LRBA: variants seen among roughly 807,000 people sequenced by gnomAD.
LRBA encodes lipopolysaccharide-responsive and beige-like anchor protein.
LRBA carries 176 observed loss-of-function variants against 330.0 expected under a neutral mutation model. That is an observed-to-expected ratio of 0.53 (90% CI 0.47 to 0.60). LRBA has a LOEUF of 0.60. Ranked by LOEUF, LRBA falls within the 20% of genes least tolerant of loss-of-function variation. The pLI is 0.00. For missense variants in LRBA, 3,259 were observed against 3,444.8 expected, an observed-to-expected ratio of 0.95 and a Z score of 1.35; for synonymous variants, 1,230 against 1,193.0, an observed-to-expected ratio of 1.03 and a Z score of -0.64.
chr4:150,851,502 A>G (rs1302438389), intron 23 of LRBA, among the ~76,000 whole-genome samples: 2 of 152,246 alleles, frequency 1.3e-5, no homozygotes, highest in Non-Finnish European at 2.9e-5. Flanking sequence ...CATGCTTAGT[A>G]ACTAAAATTA....
chr4:150,715,871 G>C (rs1027847261), intron 36 of LRBA, among the ~76,000 whole-genome samples: 2 of 152,134 alleles, frequency 1.3e-5, no homozygotes, highest in Non-Finnish European at 2.9e-5. Flanking sequence ...AGTGATATTT[G>C]AACATGATAA....
chr4:150,284,706 T>G (rs1315128440), intron 54 of LRBA, among the ~76,000 whole-genome samples: 3 of 152,138 alleles, frequency 2.0e-5, no homozygotes, highest in Non-Finnish European at 4.4e-5. Flanking sequence ...TTAATTTTTT[T>G]GTAGAGATGG....
rs145755835 is a variant in LRBA at position 150,352,245 on chromosome 4, C to T, written c.7195-2086G>A. On this transcript the variant is annotated intron_variant, in intron 47 of 56. Transcript: ENST00000651943. ...TAGCAAGTAACCAATGAGACATAAA[C>T]CATCTTGTGACAAAAGACGTTCCTA... 6.8e-3 allele frequency among the ~76,000 whole-genome samples: 1,032 copies of T among 152,250 alleles called. 8 individuals carry two copies. Among genetic ancestry groups the T allele is most frequent in the South Asian group, 0.014 (66 of 4,828 alleles).
At chr4:150,568,233 G>C (rs1364788500) in intron 40 of LRBA, among the ~76,000 whole-genome samples, 4 of 152,086 alleles carry the variant, frequency 2.6e-5, no homozygotes, top group Non-Finnish European at 5.9e-5. Flanking sequence ...AATGATAGAT[G>C]TAAGAAAGCT....
At chr4:150,638,906 A>G (rs1778205589) in intron 37 of LRBA, among the ~76,000 whole-genome samples, 1 of 102,184 alleles carries the variant, frequency 9.8e-6, no homozygotes, top group Non-Finnish European at 2.0e-5. Flanking sequence ...ATGCACACGT[A>G]TGTTTATTGC....
chr4:150,530,102 G>T (rs1364840412), intron 40 of LRBA, among the ~76,000 whole-genome samples: 1 of 152,104 alleles, frequency 6.6e-6, no homozygotes. Context: ...GGCATAAGAA[G>T]AAATACATAT....
intron 36 of LRBA, among the ~76,000 whole-genome samples, chr4:150,704,051 A>G (rs1785376577): frequency 6.6e-6 from 1 of 151,948 alleles, no homozygotes; most frequent in Non-Finnish European, 1.5e-5. Context: ...TACAAAAAAA[A>G]ATTTTTTTAA....
intron 2 of LRBA, among the ~76,000 whole-genome samples, chr4:150,978,761 C>A (rs1394275671): frequency 6.6e-6 from 1 of 152,134 alleles, no homozygotes; most frequent in Non-Finnish European, 1.5e-5. Context: ...GCATCAGAGT[C>A]TCTTAACAGA....
At chr4:150,475,038 T>C (rs906194297) in intron 42 of LRBA, among the ~76,000 whole-genome samples, 3 of 152,208 alleles carry the variant, frequency 2.0e-5, no homozygotes, top group Non-Finnish European at 4.4e-5. Flanking sequence ...TCTGAAATGA[T>C]AGTAAGCTTT....
At chr4:150,641,402 T>C (rs921237172) in intron 37 of LRBA, among the ~76,000 whole-genome samples, 1 of 152,154 alleles carries the variant, frequency 6.6e-6, no homozygotes, top group Admixed American at 6.6e-5. Context: ...TCTAAATACA[T>C]AATGGCATCA....
At chr4:150,278,029 A>G in intron 55 of LRBA, 25 bp from the exon 56 acceptor site, 1 of 1,606,890 alleles carries the variant, frequency 6.2e-7, no homozygotes, top group South Asian at 1.1e-5. Flanking sequence ...AACATTCAGT[A>G]GAAATGTGGT....
chr4:150,717,186 A>G (rs770812299), intron 36 of LRBA, among the ~76,000 whole-genome samples: 5 of 152,206 alleles, frequency 3.3e-5, no homozygotes, highest in Non-Finnish European at 7.4e-5. Flanking sequence ...GCTGAAGATA[A>G]TAACATTTAC....
At chr4:150,621,105 G>C (rs1407173903) in intron 37 of LRBA, among the ~76,000 whole-genome samples, 1 of 145,362 alleles carries the variant, frequency 6.9e-6, no homozygotes, top group Non-Finnish European at 1.5e-5. Context: ...AAAAAAAAAT[G>C]CAATAAAATA....
chr4:150,427,779 T>A (rs190305588), intron 46 of LRBA, among the ~76,000 whole-genome samples: 1 of 152,010 alleles, frequency 6.6e-6, no homozygotes, highest in African/African-American at 2.4e-5. Context: ...GAAGTTTAAG[T>A]TTTTTAAAAA....
At chr4:150,408,619 T>C (rs1291388282) in intron 47 of LRBA, among the ~76,000 whole-genome samples, 1 of 152,092 alleles carries the variant, frequency 6.6e-6, no homozygotes, top group African/African-American at 2.4e-5. Context: ...CTCATAAATA[T>C]AGATTCAAAA....
chr4:150,831,764 T>A (rs1747227668), intron 29 of LRBA, 53 bp downstream of exon 29: 1 of 1,370,292 alleles, frequency 7.3e-7, no homozygotes, highest in South Asian at 1.5e-5. Flanking sequence ...CCATCAAAAG[T>A]AAGTAACATT....
At chr4:150,445,371 C>CTG (rs1561188450) in intron 44 of LRBA, among the ~76,000 whole-genome samples, 3 of 84,386 alleles carry the variant, frequency 3.6e-5, no homozygotes, top group African/African-American at 1.4e-4. Flanking sequence ...CTCTCTCTCT[C>CTG]TCTCTCTATA....
intron 35 of LRBA, among the ~76,000 whole-genome samples, chr4:150,754,876 A>G (rs1734083100): frequency 6.6e-6 from 1 of 152,246 alleles, no homozygotes; most frequent in Non-Finnish European, 1.5e-5. Context: ...AAGGATTTCC[A>G]AGTGATAATC....
At chr4:150,639,530 G>C (rs1778306876) in intron 37 of LRBA, among the ~76,000 whole-genome samples, 1 of 138,562 alleles carries the variant, frequency 7.2e-6, no homozygotes, top group Non-Finnish European at 1.5e-5. Flanking sequence ...AATCTGCAAG[G>C]AAAGTTTTGG....
Sources: allele counts gnomAD v4.1 joint callset (sites outside exome capture counted in the v4.1 genomes callset), GRCh38; gene constraint gnomAD v4.1.1; transcripts MANE v1.5; gene names NCBI Gene and HGNC (gene_info 2026-07-23, HGNC 2026-07-21).